Variants in ARHGDIA observed in about 807,000 individuals in gnomAD.
ARHGDIA encodes rho GDP-dissociation inhibitor 1.
Under a neutral mutation model 25.0 loss-of-function variants are expected in ARHGDIA, and 9 were observed. The ratio of observed to expected loss-of-function variants is 0.36; its 90% confidence interval spans 0.22 to 0.63. ARHGDIA has a LOEUF of 0.63. Ranked by LOEUF, ARHGDIA falls within the 20% of genes least tolerant of loss-of-function variation. The probability of loss-of-function intolerance (pLI) is 0.69; values close to 1 mark genes in which losing one functional copy is unlikely to be tolerated. For synonymous variants in ARHGDIA, 166 were observed against 111.5 expected, an observed-to-expected ratio of 1.49 and a Z score of -3.08; for missense variants, 239 against 264.3, an observed-to-expected ratio of 0.90 and a Z score of 0.66.
chr17:81,869,354 C>T lies in ARHGDIA; in HGVS notation c.327G>A (p.Glu109=), dbSNP rs2039191172. The part of the protein sequence containing the change: ...KQSFVLKEGV[E]YRIKISFRVN... ...CCCGGAAAGAGATTTTTATCCGGTA[C>T]TCCACACCCTCCTTCAGCACAAACG... is the stretch of plus-strand genomic sequence containing the variant. The change falls in exon 4 of 6, where the codon GAG becomes GAA. Residue 109 remains glutamate (E), a synonymous_variant. Transcript: ENST00000269321. The T allele has an allele frequency of 1.2e-6, 2 of 1,614,116 alleles. No homozygotes were observed. Among genetic ancestry groups the T allele is most frequent in the Non-Finnish European group, 1.7e-6 (2 of 1,179,982 alleles).
At position 81,868,463 on chromosome 17, in the gene ARHGDIA, C is replaced by G; in HGVS notation, c.*413G>C. 1.3e-6 allele frequency: 2 copies of G among 1,511,092 alleles called. No homozygotes were observed. Among genetic ancestry groups the G allele is most frequent in the Non-Finnish European group, 1.8e-6 (2 of 1,132,670 alleles). 93.6% of individuals were successfully genotyped at this position (1,511,092 alleles called of 1,614,324 possible). A position where few individuals can be genotyped will look rare whatever the true frequency, so the allele number is the denominator to read the frequency against. On this transcript the variant is annotated 3_prime_UTR_variant, in exon 6 of 6. Coordinates refer to ENST00000269321, the MANE Select transcript of ARHGDIA (RefSeq NM_004309.6). ...CCCGGCCCCCACGAGGCCGTGCATC[C>G]CACACCCCAGCTCCACCCCGGAGCA...
chr17:81,870,011 T>G, intron 1 of ARHGDIA, 54 bp from the exon 2 acceptor site: 1 of 1,545,500 alleles, frequency 6.5e-7, no homozygotes, highest in Non-Finnish European at 8.7e-7. Context: ...GGAGGCGCAC[T>G]TCTGAGCAGG....
intron 1 of ARHGDIA, 85 bp from the exon 2 acceptor site, chr17:81,870,042 C>A: frequency 7.3e-7 from 1 of 1,368,442 alleles, no homozygotes. Flanking sequence ...GCAGCCGGAG[C>A]TCCAAAAGGG....
chr17:81,869,548 G>T lies in ARHGDIA; in HGVS notation c.268C>A (p.Leu90Met). 1 of 1,580,966 alleles carries T rather than the reference G, an allele frequency of 6.3e-7. No individual in the cohort carries two copies. Among genetic ancestry groups the T allele is most frequent in the Non-Finnish European group, 8.6e-7 (1 of 1,165,320 alleles). The change falls in exon 3 of 6, where the codon CTG (leucine) becomes ATG (methionine). Residue 90 changes from leucine (L) to methionine (M), a missense_variant. Physicochemically the swap from Leu to Met is conservative, Grantham distance 15. Transcript: ENST00000269321. ...SSAPGPLELD[L>M]TGDLESFKKQ... ...GCGGCCGCAGGGCACTCACCCGTCA[G>T]GTCCAGCTCCAGGGGGCCCGGGGCC...
chr17:81,868,657 AC>A lies in ARHGDIA; in HGVS notation c.*218del. The A allele has an allele frequency of 1.3e-6, 2 of 1,535,078 alleles. No individual in the cohort carries two copies. The highest frequency in any genetic ancestry group is 2.4e-5 in the East Asian group (1 of 40,894). On this transcript the variant is annotated 3_prime_UTR_variant, in exon 6 of 6. Transcript: ENST00000269321. ...CCCCACAGCACAGGCAGAAGCAGCAACGAGACAGGAGACCGAGGAGGCTGGG... is the reference window on the plus strand; with the variant it reads ...CCCCACAGCACAGGCAGAAGCAGCAAGAGACAGGAGACCGAGGAGGCTGGG...
rs770446065 is a variant in ARHGDIA, at chr17:81,869,801, C to A, written c.130G>T (p.Asp44Tyr). The A allele has an allele frequency of 1.1e-5, 17 of 1,614,010 alleles. No homozygotes were observed. The highest frequency in any genetic ancestry group is 1.4e-5 in the Non-Finnish European group (17 of 1,180,022). The part of the protein sequence containing the change: ...SIQEIQELDK[D>Y]DESLRKYKEA... ...TTGTACTTTCGCAGGCTCTCGTCGT[C>A]CTTGTCCAGCTCCTGGATCTCCTGG... The change falls in exon 2 of 6, where the codon GAC becomes TAC. Residue 44 changes from aspartate to tyrosine, a missense_variant. By Grantham distance (160) the Asp-to-Tyr change is radical. This residue lies in a region of ARHGDIA where 135 missense variants were observed against 119.8 expected (regional missense o/e 1.13). Transcript: ENST00000269321.
chr17:81,870,348 C>A (rs1186733001), intron 1 of ARHGDIA: 2 of 188,792 alleles, frequency 1.1e-5, no homozygotes, highest in South Asian at 1.1e-4. Context: ...TACGGGGTAA[C>A]GGGGCTCGGT....
At chr17:81,870,099 T>A in intron 1 of ARHGDIA, 142 bp from the exon 2 acceptor site, 1 of 776,826 alleles carries the variant, frequency 1.3e-6, no homozygotes, top group South Asian at 1.8e-5. Context: ...CGATTCCTGC[T>A]CAGGGGCATC....
chr17:81,869,564 G>C lies in ARHGDIA; in HGVS notation c.252C>G (p.Gly84=), dbSNP rs752937765. 1.9e-6 allele frequency: 3 copies of C among 1,555,012 alleles called. No individual in the cohort carries two copies. Among genetic ancestry groups the C allele is most frequent in the Non-Finnish European group, 2.6e-6 (3 of 1,153,696 alleles). The stretch of plus-strand genomic sequence containing the variant: ...CACCCGTCAGGTCCAGCTCCAGGGG[G>C]CCCGGGGCCGAGCTGCACACCAGGG... The part of the protein sequence containing the change: ...GLTLVCSSAP[G]PLELDLTGDL... Residue 84 remains glycine (G), a synonymous_variant, in exon 3 of 6, where the codon GGC becomes GGG. Transcript: ENST00000269321.
At chr17:81,869,450 C>A in intron 3 of ARHGDIA, 44 bp from the exon 4 acceptor site, 2 of 1,612,356 alleles carry the variant, frequency 1.2e-6, no homozygotes, top group African/African-American at 1.3e-5. Flanking sequence ...AGCAGCCCTG[C>A]GCGAAGCCCC....
chr17:81,871,046 C>T (rs2039281742), intron 1 of ARHGDIA: 1 of 148,802 alleles, frequency 6.7e-6, no homozygotes, highest in Non-Finnish European at 1.5e-5. Flanking sequence ...CGCCGCCCCT[C>T]CGGCCCGGGA....
Position 81,868,643 on chromosome 17 carries a change from A to C in ARHGDIA, c.*233T>G. On this transcript the variant is annotated 3_prime_UTR_variant, in exon 6 of 6. Transcript: ENST00000269321. ...CTGCGGCCTCTCTCCCCCACAGCACAGGCAGAAGCAGCAACGAGACAGGAG... is the reference window on the plus strand; with the variant it reads ...CTGCGGCCTCTCTCCCCCACAGCACCGGCAGAAGCAGCAACGAGACAGGAG... The C allele has an allele frequency of 6.5e-7, 1 of 1,535,292 alleles. No homozygotes were observed. Among genetic ancestry groups the C allele is most frequent in the South Asian group, 1.2e-5 (1 of 83,866 alleles).
rs961687888 is a variant in ARHGDIA, at chr17:81,868,234, G to T, written c.*642C>A. The T allele has an allele frequency of 6.7e-6, 6 of 891,372 alleles. No individual in the cohort carries two copies. In the Admixed American group the frequency reaches 9.6e-5, roughly 14 times the overall value. 55.2% of individuals were successfully genotyped at this position (891,372 alleles called of 1,614,324 possible). A position where few individuals can be genotyped will look rare whatever the true frequency, so the allele number is the denominator to read the frequency against. ...GCTGGCCAGGCACTGGTGGGCTGGG[G>T]AGCAGCAGCAGCACACCCCACGTGT... On this transcript the variant is annotated 3_prime_UTR_variant, in exon 6 of 6. Transcript: ENST00000269321.
At position 81,868,500 on chromosome 17, in the gene ARHGDIA, C is replaced by A. The variant is rs754784895; in HGVS notation, c.*376G>T. The A allele has an allele frequency of 1.3e-6, 2 of 1,528,894 alleles. No homozygotes were observed. The highest frequency in any genetic ancestry group is 1.8e-6 in the Non-Finnish European group (2 of 1,142,424). The allele number at this position is 1,528,894 out of a possible 1,614,324, so 94.7% of individuals were successfully genotyped here. A position where few individuals can be genotyped will look rare whatever the true frequency, so the allele number is the denominator to read the frequency against. On this transcript the variant is annotated 3_prime_UTR_variant, in exon 6 of 6. Coordinates refer to ENST00000269321, the MANE Select transcript of ARHGDIA (RefSeq NM_004309.6). Reference sequence around the variant, plus strand: ...TCCACCCCGGAGCAGCAGACGCACACGTCCAGGGGCAACCACGGGGCCTGG... The same window carrying A: ...TCCACCCCGGAGCAGCAGACGCACAAGTCCAGGGGCAACCACGGGGCCTGG...
chr17:81,868,421 G>A lies in ARHGDIA; in HGVS notation c.*455C>T. Reference sequence around the variant, plus strand: ...CGACAAGGGGGCTGGCCAGGGAGCAGCGGGGCTGGAGGACGGCCCGGCCCC... The same window carrying A: ...CGACAAGGGGGCTGGCCAGGGAGCAACGGGGCTGGAGGACGGCCCGGCCCC... On this transcript the variant is annotated 3_prime_UTR_variant, in exon 6 of 6. Coordinates refer to ENST00000269321, the MANE Select transcript of ARHGDIA (RefSeq NM_004309.6). 6.9e-7 allele frequency: 1 copy of A among 1,457,146 alleles called. No individual in the cohort carries two copies. Among genetic ancestry groups the A allele is most frequent in the Non-Finnish European group, 9.0e-7 (1 of 1,108,454 alleles). 90.3% of individuals were successfully genotyped at this position (1,457,146 alleles called of 1,614,324 possible). A position where few individuals can be genotyped will look rare whatever the true frequency, so the allele number is the denominator to read the frequency against.
chr17:81,869,237 C>T lies in ARHGDIA; in HGVS notation c.352-1G>A, dbSNP rs1363469427. 6.2e-7 allele frequency: 1 copy of T among 1,614,018 alleles called. No individual in the cohort carries two copies. Among genetic ancestry groups the T allele is most frequent in the Non-Finnish European group, 8.5e-7 (1 of 1,180,014 alleles). ...TGCCGGACACTATCTCTCGGTTAAC[C>T]TGCAGGACCCGAAGCGAGGATCAGG... On this transcript the variant is annotated splice_acceptor_variant, in intron 4 of 5. Coordinates refer to ENST00000269321, the MANE Select transcript of ARHGDIA (RefSeq NM_004309.6). LOFTEE classifies it high-confidence loss of function.
chr17:81,868,636 A>G lies in ARHGDIA; in HGVS notation c.*240T>C. 6.5e-7 allele frequency: 1 copy of G among 1,535,350 alleles called. No individual in the cohort carries two copies. The highest frequency in any genetic ancestry group is 1.2e-5 in the South Asian group (1 of 83,954). On this transcript the variant is annotated 3_prime_UTR_variant, in exon 6 of 6. Transcript: ENST00000269321. Reference sequence around the variant, plus strand: ...GGCCTGGCTGCGGCCTCTCTCCCCCACAGCACAGGCAGAAGCAGCAACGAG... The same window carrying G: ...GGCCTGGCTGCGGCCTCTCTCCCCCGCAGCACAGGCAGAAGCAGCAACGAG...
intron 1 of ARHGDIA, chr17:81,870,238 G>C (rs1009463479): frequency 2.5e-6 from 1 of 394,314 alleles, no homozygotes; most frequent in African/African-American, 2.0e-5. Flanking sequence ...CCCCCTGTAT[G>C]TGTGGGGCGG....
Position 81,868,516 on chromosome 17 carries a change from C to G in ARHGDIA, c.*360G>C, listed in dbSNP as rs1007497861. The G allele has an allele frequency of 6.5e-7, 1 of 1,530,568 alleles. No individual in the cohort carries two copies. 94.8% of individuals were successfully genotyped at this position (1,530,568 alleles called of 1,614,324 possible). A position where few individuals can be genotyped will look rare whatever the true frequency, so the allele number is the denominator to read the frequency against. On this transcript the variant is annotated 3_prime_UTR_variant, in exon 6 of 6. Coordinates refer to ENST00000269321, the MANE Select transcript of ARHGDIA (RefSeq NM_004309.6). ...AGACGCACACGTCCAGGGGCAACCACGGGGCCTGGAGAATGGCTGCTCCGC... is the reference window on the plus strand; with the variant it reads ...AGACGCACACGTCCAGGGGCAACCAGGGGGCCTGGAGAATGGCTGCTCCGC...
Sources: allele counts gnomAD v4.1 joint callset, GRCh38; gene constraint gnomAD v4.1.1; regional missense constraint gnomAD v4.1.1; transcripts MANE v1.5; gene names NCBI Gene and HGNC (gene_info 2026-07-23, HGNC 2026-07-21).